Variants in RGL1 observed in about 807,000 individuals in gnomAD.
RGL1 encodes ral guanine nucleotide dissociation stimulator like 1.
A neutral mutation model predicts 95.2 loss-of-function variants in RGL1; 24 were observed. That is an observed-to-expected ratio of 0.25 (90% confidence interval 0.18 to 0.35). The LOEUF (loss-of-function observed/expected upper bound fraction) is 0.35, where lower values mean the gene tolerates loss of function less well. Among genes scored for constraint, RGL1 ranks in the 10% least tolerant of loss-of-function variants. RGL1 has a pLI of 1.00. For synonymous variants in RGL1, 329 were observed against 344.9 expected (o/e 0.95, Z 0.51); for missense variants, 715 against 936.3 (o/e 0.76, Z 3.08).
chr1:183,797,096 A>G (rs1055900326), intron 2 of RGL1, among the ~76,000 whole-genome samples: 2 of 151,960 alleles, frequency 1.3e-5, no homozygotes, highest in Non-Finnish European at 2.9e-5. Context: ...TTGGGAGGCC[A>G]AGGTGGGTGG....
At chr1:183,823,975 G>A (rs1422257583) in intron 2 of RGL1, among the ~76,000 whole-genome samples, 1 of 151,858 alleles carries the variant, frequency 6.6e-6, no homozygotes, top group Non-Finnish European at 1.5e-5. Flanking sequence ...TTTTTTTAGA[G>A]ATGGGCCTTG....
chr1:183,757,337 A>C (rs1658403277), intron 2 of RGL1, among the ~76,000 whole-genome samples: 1 of 152,168 alleles, frequency 6.6e-6, no homozygotes, highest in Non-Finnish European at 1.5e-5. Context: ...AGGAAGAGAG[A>C]AGTTTTTAAA....
At chr1:183,842,933 G>A (rs759089761) in intron 2 of RGL1, among the ~76,000 whole-genome samples, 14 of 151,900 alleles carry the variant, frequency 9.2e-5, no homozygotes, top group South Asian at 2.1e-4. Flanking sequence ...TTCTCTTGTC[G>A]GGCCATATGG....
chr1:183,765,645 C>T (rs901228761), intron 2 of RGL1, among the ~76,000 whole-genome samples: 2 of 152,190 alleles, frequency 1.3e-5, no homozygotes, highest in Non-Finnish European at 2.9e-5. Context: ...GAAGTTTTCT[C>T]TCTGGTCCAA....
intron 2 of RGL1, among the ~76,000 whole-genome samples, chr1:183,796,662 T>C (rs1308428674): frequency 1.3e-5 from 2 of 152,190 alleles, no homozygotes; most frequent in Non-Finnish European, 2.9e-5. Flanking sequence ...TAGTTTATCT[T>C]GGTTTTCAGT....
intron 1 of RGL1, among the ~76,000 whole-genome samples, chr1:183,699,500 A>G (rs1304208960): frequency 6.6e-6 from 1 of 152,162 alleles, no homozygotes; most frequent in Non-Finnish European, 1.5e-5. Context: ...AATGTGAAAG[A>G]TTCCTTGATT....
intron 1 of RGL1, among the ~76,000 whole-genome samples, chr1:183,721,234 T>G (rs1655998814): frequency 6.6e-6 from 1 of 152,186 alleles, no homozygotes; most frequent in Non-Finnish European, 1.5e-5. Flanking sequence ...CTTAAAATCT[T>G]AGTCATTCAG....
chr1:183,750,469 T>C (rs1657922233), intron 2 of RGL1, among the ~76,000 whole-genome samples: 1 of 152,264 alleles, frequency 6.6e-6, no homozygotes, highest in Non-Finnish European at 1.5e-5. Context: ...TGTAACCTTT[T>C]TGAAGGTTCT....
chr1:183,785,192 G>C (rs1345230227), intron 2 of RGL1, among the ~76,000 whole-genome samples: 1 of 152,150 alleles, frequency 6.6e-6, no homozygotes, highest in African/African-American at 2.4e-5. Context: ...AAATTCCTTA[G>C]CATGGCCCCC....
chr1:183,873,076 C>CA (rs1358813632), intron 4 of RGL1, among the ~76,000 whole-genome samples: 2 of 152,164 alleles, frequency 1.3e-5, no homozygotes, highest in Admixed American at 6.5e-5. Context: ...ATTTTAGGGA[C>CA]ATGGGTAGAA....
chr1:183,704,889 A>C (rs1282425574), intron 1 of RGL1, among the ~76,000 whole-genome samples: 17 of 152,236 alleles, frequency 1.1e-4, no homozygotes, highest in Non-Finnish European at 1.5e-5. Context: ...GGAGGCAGGC[A>C]GGCCATCCAA....
At chr1:183,686,605 C>T (rs1202068700) in intron 1 of RGL1, among the ~76,000 whole-genome samples, 1 of 152,132 alleles carries the variant, frequency 6.6e-6, no homozygotes, top group Non-Finnish European at 1.5e-5. Flanking sequence ...TATACATTAA[C>T]CATGCATAGA....
At chr1:183,920,971 G>C (rs1159273651) in intron 16 of RGL1, among the ~76,000 whole-genome samples, 1 of 152,180 alleles carries the variant, frequency 6.6e-6, no homozygotes, top group Non-Finnish European at 1.5e-5. Flanking sequence ...TGTGTCGAGG[G>C]GGGTCGTGGG....
At chr1:183,639,514 T>C (rs550807107) in intron 1 of RGL1, among the ~76,000 whole-genome samples, 1 of 152,326 alleles carries the variant, frequency 6.6e-6, no homozygotes, top group South Asian at 2.1e-4. Flanking sequence ...GACTATCTTA[T>C]GATTTAATAC....
chr1:183,676,930 G>A (rs1233482184), intron 1 of RGL1, among the ~76,000 whole-genome samples: 2 of 150,876 alleles, frequency 1.3e-5, no homozygotes, highest in Non-Finnish European at 3.0e-5. Context: ...TACATGTAAA[G>A]GACAGAAAAG....
intron 8 of RGL1, among the ~76,000 whole-genome samples, chr1:183,889,684 G>A (rs934568018): frequency 2.1e-4 from 32 of 152,158 alleles, no homozygotes; most frequent in Admixed American, 9.2e-4. Context: ...TCTACTTGGT[G>A]TAAGCCAAAT....
chr1:183,824,131 G>A (rs570709740), intron 2 of RGL1, among the ~76,000 whole-genome samples: 46 of 152,014 alleles, frequency 3.0e-4, no homozygotes, highest in African/African-American at 8.4e-4. Flanking sequence ...CCTAGTGATC[G>A]TTGCTTACAA....
intron 2 of RGL1, among the ~76,000 whole-genome samples, chr1:183,791,563 C>T (rs934927199): frequency 6.6e-6 from 1 of 152,220 alleles, no homozygotes. Flanking sequence ...TAACTGACCA[C>T]ACTAAGACTT....
intron 1 of RGL1, among the ~76,000 whole-genome samples, chr1:183,664,468 A>G (rs1651887394): frequency 6.6e-6 from 1 of 152,130 alleles, no homozygotes. Context: ...TTTGACAAAT[A>G]AAGGAACTTG....
Sources: gnomAD v4.1 joint callset for allele counts (sites outside exome capture counted in the v4.1 genomes callset) on GRCh38, gnomAD v4.1.1 for gene constraint, MANE v1.5 for transcripts, NCBI Gene and HGNC (gene_info 2026-07-23, HGNC 2026-07-21) for gene names.